The following PHACTR2 variants were observed in gnomAD, a reference collection of about 807,000 sequenced individuals.
PHACTR2 encodes phosphatase and actin regulator 2, also known as chromosome 6 open reading frame 56.
A neutral mutation model predicts 76.0 loss-of-function variants in PHACTR2; 30 were observed. The observed-to-expected ratio is 0.39, with a 90% CI of 0.30 to 0.54. The LOEUF (loss-of-function observed/expected upper bound fraction) is 0.54. Ranked by LOEUF, PHACTR2 falls within the 20% of genes least tolerant of loss-of-function variation. The pLI is 0.61. For missense variants in PHACTR2, 696 were observed against 781.1 expected, an observed-to-expected ratio of 0.89 and a Z score of 1.30; for synonymous variants, 292 against 292.5, an observed-to-expected ratio of 1.00 and a Z score of 0.02.
chr6:143,811,638 G>A lies in PHACTR2; in HGVS notation c.1922+4505G>A, dbSNP rs1227972862. 6.6e-6 allele frequency among the ~76,000 whole-genome samples: 1 copy of A among 152,032 alleles called. No individual in the cohort carries two copies. Among genetic ancestry groups the A allele is most frequent in the Non-Finnish European group, 1.5e-5 (1 of 68,020 alleles). On this transcript the variant is annotated intron_variant, in intron 12 of 12. Transcript: ENST00000440869. This position sits in a 1 kb window ranked among gnomAD's most constrained non-coding sequence, Gnocchi z 4.1. ...ACCAAAATAAATATGCCTTGCTTAA[G>A]TATTCTTAAACCTTGGCAGTAAAGC...
chr6:143,714,354 C>T (rs766212611), intron 2 of PHACTR2, among the ~76,000 whole-genome samples: 4 of 152,194 alleles, frequency 2.6e-5, no homozygotes, highest in Non-Finnish European at 5.9e-5. Flanking sequence ...GCGATAAATA[C>T]CACTTTTCCT....
rs956797448 is a variant in PHACTR2, at chr6:143,731,036, C to G, written c.215-17949C>G. Among the ~76,000 whole-genome samples, 1 of 152,192 alleles carries G rather than the reference C, an allele frequency of 6.6e-6. No individual in the cohort carries two copies. The highest frequency in any genetic ancestry group is 2.4e-5 in the African/African-American group (1 of 41,438). On this transcript the variant is annotated intron_variant, in intron 2 of 12. Transcript: ENST00000440869. This position sits in a 1 kb window ranked among gnomAD's most constrained non-coding sequence, Gnocchi z 4.9. ...GTGCTGAGATTACAGGCGTGAGCCACCACGTCCAGCCCAGTTGAAGGTTTT... is the reference window on the plus strand; with the variant it reads ...GTGCTGAGATTACAGGCGTGAGCCAGCACGTCCAGCCCAGTTGAAGGTTTT...
At chr6:143,685,043 T>TA (rs1485573253) in intron 1 of PHACTR2, among the ~76,000 whole-genome samples, 1 of 152,150 alleles carries the variant, frequency 6.6e-6, no homozygotes, top group East Asian at 1.9e-4. Context: ...ATTTTAACAT[T>TA]AAAAATTTTT....
At chr6:143,665,851 G>A (rs1473056918) in intron 1 of PHACTR2, among the ~76,000 whole-genome samples, 2 of 152,118 alleles carry the variant, frequency 1.3e-5, no homozygotes, top group Non-Finnish European at 2.9e-5. Context: ...CGCACTCGTA[G>A]TAAAAGCTAA....
rs1776065040 is a variant in PHACTR2 at position 143,616,792 on chromosome 6, A to G, written c.13+8470A>G. ...CTACGCCAGACTCGGTAGTCAGAGA[A>G]AGCTTCCTAAGGAGGTGGCATGCAG... On this transcript the variant is annotated intron_variant, in intron 1 of 11. Coordinates refer to the PHACTR2 transcript ENST00000305766. The surrounding 1 kb of genome is among the most constrained non-coding windows in gnomAD (Gnocchi z 4.9). 6.6e-6 allele frequency among the ~76,000 whole-genome samples: 1 copy of G among 152,112 alleles called. No individual in the cohort carries two copies. Among genetic ancestry groups the G allele is most frequent in the Non-Finnish European group, 1.5e-5 (1 of 68,034 alleles).
chr6:143,810,400 C>G (rs1247619916), intron 12 of PHACTR2, among the ~76,000 whole-genome samples: 2 of 152,150 alleles, frequency 1.3e-5, no homozygotes, highest in East Asian at 3.9e-4. Context: ...CCAAAAAGAG[C>G]ACTTAGTTTA....
intron 9 of PHACTR2, among the ~76,000 whole-genome samples, chr6:143,781,120 T>C (rs1775418387): frequency 1.3e-5 from 2 of 152,152 alleles, no homozygotes; most frequent in Admixed American, 1.3e-4. Context: ...CTCTACAAGA[T>C]GAAAGTAAAG....
At position 143,765,691 on chromosome 6, in the gene PHACTR2, C is replaced by G. The variant is rs768792481; in HGVS notation, c.1125C>G (p.Pro375=). 3.7e-6 allele frequency: 6 copies of G among 1,614,044 alleles called. No individual in the cohort carries two copies. The highest frequency in any genetic ancestry group is 2.7e-5 in the African/African-American group (2 of 74,906). ...VVLVSVGADL[P]VSALDPSQLL... ...TCGTCAGCGTTGGAGCTGACCTGCC[C>G]GTCTCTGCCTTAGACCCAAGTCAGC... The change falls in exon 6 of 13, where the codon CCC becomes CCG. Residue 375 remains proline, a synonymous_variant. Transcript: ENST00000440869. This position sits in a 1 kb window ranked among gnomAD's most constrained non-coding sequence, Gnocchi z 4.1.
chr6:143,724,874 A>C (rs1282301300), intron 2 of PHACTR2, among the ~76,000 whole-genome samples: 1 of 152,212 alleles, frequency 6.6e-6, no homozygotes, highest in Non-Finnish European at 1.5e-5. Flanking sequence ...TCACTGGAAA[A>C]TGTATGTATT....
In PHACTR2 at chr6:143,578,340, G is replaced by A. The variant is rs529499770; in HGVS notation, c.217+41133G>A. On this transcript the variant is annotated intron_variant, in intron 1 of 11. Coordinates refer to the PHACTR2 transcript ENST00000367584. The surrounding 1 kb of genome is among the most constrained non-coding windows in gnomAD (Gnocchi z 4.5). ...ATCTAGTTTGATTCAACTCTTCTTG[G>A]CCCTTAACTTTCCTCAGGGAGGCAG... Among the ~76,000 whole-genome samples, 2 of 152,198 alleles carry A rather than the reference G, an allele frequency of 1.3e-5. No individual in the cohort carries two copies. The highest frequency in any genetic ancestry group is 1.3e-4 in the Admixed American group (2 of 15,296).
chr6:143,813,761 A>G (rs1776235547), intron 12 of PHACTR2, among the ~76,000 whole-genome samples: 1 of 152,106 alleles, frequency 6.6e-6, no homozygotes, highest in Non-Finnish European at 1.5e-5. Flanking sequence ...TCTTAATGGT[A>G]AGAAGTTTTT....
Position 143,783,788 on chromosome 6 carries a change from GA to G in PHACTR2, c.1707+515del, listed in dbSNP as rs1387596624. Among the ~76,000 whole-genome samples the G allele has an allele frequency of 1.3e-5, 2 of 151,894 alleles. No homozygotes were observed. Among genetic ancestry groups the G allele is most frequent in the Non-Finnish European group, 2.9e-5 (2 of 67,960 alleles). ...GAAAATTTTTAAAGACACAAAAAAA[GA>G]AAAAAATAAAATCATGTCTTTCATT... On this transcript the variant is annotated intron_variant, in intron 10 of 12. Coordinates refer to ENST00000440869, the MANE Select transcript of PHACTR2 (RefSeq NM_001100164.2). This position sits in a 1 kb window ranked among gnomAD's most constrained non-coding sequence, Gnocchi z 5.2.
At chr6:143,725,022 C>A (rs1778528813) in intron 2 of PHACTR2, among the ~76,000 whole-genome samples, 1 of 152,138 alleles carries the variant, frequency 6.6e-6, no homozygotes. Flanking sequence ...TGACCTTCTC[C>A]AAAGAGGTTA....
chr6:143,576,126 G>T (rs1306906785), intron 1 of PHACTR2, among the ~76,000 whole-genome samples: 1 of 152,174 alleles, frequency 6.6e-6, no homozygotes, highest in Non-Finnish European at 1.5e-5. Context: ...TGGAAACTTG[G>T]AGCATCTGCA....
In PHACTR2 at chr6:143,794,507, A is replaced by C. The variant is rs1321022065; in HGVS notation, c.1845+5597A>C. Among the ~76,000 whole-genome samples the C allele has an allele frequency of 6.6e-6, 1 of 152,158 alleles. No individual in the cohort carries two copies. Among genetic ancestry groups the C allele is most frequent in the African/African-American group, 2.4e-5 (1 of 41,430 alleles). Reference sequence around the variant, plus strand: ...TCCACCTCTGCTTTAAAAAATAAACAATGAGGCCAGGTGCAGTGGCTCATG... The same window carrying C: ...TCCACCTCTGCTTTAAAAAATAAACCATGAGGCCAGGTGCAGTGGCTCATG... On this transcript the variant is annotated intron_variant, in intron 11 of 12. Coordinates refer to ENST00000440869, the MANE Select transcript of PHACTR2 (RefSeq NM_001100164.2). The surrounding 1 kb of genome is among the most constrained non-coding windows in gnomAD (Gnocchi z 4.1).
In PHACTR2 at chr6:143,730,301, T is replaced by TA. The variant is rs1320380105; in HGVS notation, c.214+18120dup. On this transcript the variant is annotated intron_variant, in intron 2 of 12. Transcript: ENST00000440869. The surrounding 1 kb of genome is among the most constrained non-coding windows in gnomAD (Gnocchi z 4.8). Reference sequence around the variant, plus strand: ...GATACCTATACCATATTGAACTTTCTAATTTATGAACTGGTATGCCTCTCC... The same window carrying TA: ...GATACCTATACCATATTGAACTTTCTAAATTTATGAACTGGTATGCCTCTCC... Among the ~76,000 whole-genome samples the TA allele has an allele frequency of 1.3e-5, 2 of 152,212 alleles. No homozygotes were observed. The highest frequency in any genetic ancestry group is 4.8e-5 in the African/African-American group (2 of 41,462).
chr6:143,805,018 G>C (rs1342499570), intron 11 of PHACTR2, among the ~76,000 whole-genome samples: 4 of 152,206 alleles, frequency 2.6e-5, no homozygotes, highest in African/African-American at 9.7e-5. Context: ...TTGGAGTGAA[G>C]TGACTCACTA....
intron 1 of PHACTR2, among the ~76,000 whole-genome samples, chr6:143,614,093 A>T (rs1776023168): frequency 6.6e-6 from 1 of 152,136 alleles, no homozygotes; most frequent in Non-Finnish European, 1.5e-5. Context: ...GTGCTGGCAC[A>T]TACCTGTAGT....
At position 143,819,221 on chromosome 6, in the gene PHACTR2, G is replaced by A. The variant is rs976257868; in HGVS notation, c.1923-4453G>A. Among the ~76,000 whole-genome samples the A allele has an allele frequency of 6.6e-6, 1 of 152,138 alleles. No homozygotes were observed. The highest frequency in any genetic ancestry group is 1.5e-5 in the Non-Finnish European group (1 of 68,024). ...TTGTGTTCTGGACCCTGAGAGTTTA[G>A]GACCTGTCTCATAAGGTCCTCAGGT... On this transcript the variant is annotated intron_variant, in intron 12 of 12. Transcript: ENST00000440869. This position sits in a 1 kb window ranked among gnomAD's most constrained non-coding sequence, Gnocchi z 5.0.
Sources: gnomAD v4.1 joint callset for allele counts (sites outside exome capture counted in the v4.1 genomes callset) on GRCh38, gnomAD v4.1.1 for gene constraint, Gnocchi (gnomAD v3.1) non-coding constraint, MANE v1.5 for transcripts, NCBI Gene and HGNC (gene_info 2026-07-23, HGNC 2026-07-21) for gene names.